Variants in THSD7B observed in about 807,000 individuals in gnomAD.
The protein encoded by THSD7B is thrombospondin type 1 domain containing 7B.
In THSD7B, 138 loss-of-function variants were observed where a neutral mutation model predicts 213.6. That is an observed-to-expected ratio of 0.65 (90% confidence interval 0.56 to 0.74). The LOEUF is 0.74. Among genes scored for constraint, THSD7B ranks in the 30% least tolerant of loss-of-function variants. The pLI is 0.00. For missense variants in THSD7B, 1,931 were observed against 1,991.5 expected (o/e 0.97, Z 0.58); for synonymous variants, 742 against 687.0 (o/e 1.08, Z -1.25).
chr2:136,775,638 GTA>G (rs1229469443), intron 1 of THSD7B, among the ~76,000 whole-genome samples: 1 of 152,076 alleles, frequency 6.6e-6, no homozygotes, highest in East Asian at 1.9e-4. Context: ...GTGTATTCAC[GTA>G]TGCCTGCATA....
intron 3 of THSD7B, among the ~76,000 whole-genome samples, chr2:137,094,425 G>T (rs1688001944): frequency 6.6e-6 from 1 of 152,106 alleles, no homozygotes; most frequent in Admixed American, 6.6e-5. Flanking sequence ...ACAAAAATTA[G>T]CTGGGCATGG....
At chr2:136,951,501 C>T (rs867074903) in intron 2 of THSD7B, among the ~76,000 whole-genome samples, 5 of 152,112 alleles carry the variant, frequency 3.3e-5, no homozygotes, top group African/African-American at 1.2e-4. Flanking sequence ...GGAAAAATAG[C>T]AAATGTCTAG....
chr2:137,099,248 T>C (rs1417074579), intron 4 of THSD7B, among the ~76,000 whole-genome samples: 2 of 152,144 alleles, frequency 1.3e-5, no homozygotes, highest in Non-Finnish European at 2.9e-5. Flanking sequence ...CATGATGAGA[T>C]AGGAGTCATT....
intron 7 of THSD7B, among the ~76,000 whole-genome samples, chr2:137,210,500 G>A (rs1411340967): frequency 6.6e-6 from 1 of 151,966 alleles, no homozygotes; most frequent in Non-Finnish European, 1.5e-5. Context: ...CAGTTATGTA[G>A]GAGACTCTTT....
At chr2:137,451,586 A>G (rs1288204484) in intron 15 of THSD7B, among the ~76,000 whole-genome samples, 1 of 152,100 alleles carries the variant, frequency 6.6e-6, no homozygotes, top group African/African-American at 2.4e-5. Flanking sequence ...ATTTTCATAA[A>G]TAAAACCATG....
intron 10 of THSD7B, 115 bp from the exon 11 acceptor site, chr2:137,272,418 G>A: frequency 9.3e-7 from 1 of 1,079,420 alleles, no homozygotes; most frequent in Non-Finnish European, 1.3e-6. Flanking sequence ...TTCCCAGGTT[G>A]ACTTTCCACA....
rs34410826 is a variant in THSD7B at position 136,898,646 on chromosome 2, C to CTTT, written c.139+16342_139+16344dup. On this transcript the variant is annotated intron_variant, in intron 2 of 27. Transcript: ENST00000409968. ...GGGATATAACAGTGGGGAACTGAGA[C>CTTT]TTTTTTTTTTTTTTTGAAATGGAGT... is the stretch of plus-strand genomic sequence containing the variant. Among the ~76,000 whole-genome samples, 134 of 121,108 alleles carry CTTT rather than the reference C, an allele frequency of 1.1e-3. 5 individuals carry two copies. The highest frequency in any genetic ancestry group is 2.6e-3 in the African/African-American group (81 of 31,742). The allele number at this position is 121,108 out of a possible 152,430, so 79.5% of individuals were successfully genotyped here.
chr2:137,580,281 A>AT (rs1206775470), intron 17 of THSD7B, among the ~76,000 whole-genome samples: 2 of 141,832 alleles, frequency 1.4e-5, no homozygotes, highest in Admixed American at 7.2e-5. Context: ...GTGAATTGAG[A>AT]TTTTTTTCAT....
chr2:137,460,145 A>G (rs74812925), intron 15 of THSD7B, among the ~76,000 whole-genome samples: 3,009 of 152,276 alleles, frequency 0.02, 94 homozygotes, highest in African/African-American at 0.068. Flanking sequence ...AAGGTTTAGA[A>G]GATGTAATAG....
chr2:137,315,091 C>T (rs1263214305), intron 12 of THSD7B, among the ~76,000 whole-genome samples: 5 of 152,082 alleles, frequency 3.3e-5, no homozygotes, highest in African/African-American at 9.6e-5. Flanking sequence ...CAATGGCGGG[C>T]GCCCCTCCCC....
chr2:137,003,427 G>A (rs1403154483), intron 2 of THSD7B, among the ~76,000 whole-genome samples: 2 of 152,170 alleles, frequency 1.3e-5, no homozygotes, highest in African/African-American at 4.8e-5. Context: ...GGAGATAAGA[G>A]GGGTGTAACA....
intron 12 of THSD7B, among the ~76,000 whole-genome samples, chr2:137,373,185 T>C: frequency 6.6e-6 from 1 of 152,202 alleles, no homozygotes; most frequent in African/African-American, 2.4e-5. Context: ...TATAGCAGCA[T>C]GATTTATACT....
At chr2:137,670,920 CAAAAAAAAAAAAAAAAA>C (rs530737012) in intron 27 of THSD7B, among the ~76,000 whole-genome samples, 4 of 102,804 alleles carry the variant, frequency 3.9e-5, no homozygotes, top group African/African-American at 1.5e-4. Context: ...GACTCCGCCT[CAAAAAAAAAAAAAAAAA>C]AAAAAAAAAA....
intron 2 of THSD7B, among the ~76,000 whole-genome samples, chr2:136,920,640 C>G (rs1684420308): frequency 1.3e-5 from 2 of 152,182 alleles, no homozygotes; most frequent in African/African-American, 4.8e-5. Flanking sequence ...CAAGCCTTTC[C>G]TGGCTTGAAG....
intron 1 of THSD7B, among the ~76,000 whole-genome samples, chr2:136,816,534 T>C (rs750431376): frequency 6.6e-6 from 1 of 152,254 alleles, no homozygotes; most frequent in Non-Finnish European, 1.5e-5. Context: ...CTTGAAGTTT[T>C]TGAGTTTTTG....
intron 16 of THSD7B, among the ~76,000 whole-genome samples, 177 bp downstream of exon 16, chr2:137,563,531 G>T (rs1681167104): frequency 6.6e-6 from 1 of 152,168 alleles, no homozygotes; most frequent in African/African-American, 2.4e-5. Flanking sequence ...CATGTGTATA[G>T]TGGGGTTCCC....
intron 2 of THSD7B, among the ~76,000 whole-genome samples, chr2:136,958,777 T>A (rs7576311): frequency 0.014 from 2,156 of 152,294 alleles, 68 homozygotes; most frequent in African/African-American, 0.049. Flanking sequence ...GCTTATTAGA[T>A]CTGTCCCACC....
intron 1 of THSD7B, among the ~76,000 whole-genome samples, chr2:136,817,644 C>G (rs1397720395): frequency 1.3e-5 from 2 of 151,616 alleles, no homozygotes; most frequent in African/African-American, 2.4e-5. Flanking sequence ...GCTTGTTTTT[C>G]TCAGGTTTGT....
In THSD7B at chr2:137,264,800, C is replaced by CT. The variant is rs954463205; in HGVS notation, c.2267-7722dup. Among the ~76,000 whole-genome samples the CT allele has an allele frequency of 2.4e-3, 354 of 144,538 alleles. 1 individual carries two copies. Among genetic ancestry groups the CT allele is most frequent in the African/African-American group, 7.7e-3 (303 of 39,498 alleles). 94.8% of individuals were successfully genotyped at this position (144,538 alleles called of 152,430 possible). Reference sequence around the variant, plus strand: ...TTGTTGAGGGACGCAAAAGAGCCTTCTTTTTTTTTTTAAATTTTTTTTATT... The same window carrying CT: ...TTGTTGAGGGACGCAAAAGAGCCTTCTTTTTTTTTTTTAAATTTTTTTTATT... On this transcript the variant is annotated intron_variant, in intron 10 of 27. Coordinates refer to ENST00000409968, the MANE Select transcript of THSD7B (RefSeq NM_001316349.2).
Sources: gnomAD v4.1 joint callset for allele counts (sites outside exome capture counted in the v4.1 genomes callset) on GRCh38, gnomAD v4.1.1 for gene constraint, MANE v1.5 for transcripts, NCBI Gene and HGNC (gene_info 2026-07-23, HGNC 2026-07-21) for gene names.